NUP155: variants seen among roughly 807,000 people sequenced by gnomAD.
NUP155 encodes the protein nuclear pore complex protein Nup155.
Under a neutral mutation model 180.4 loss-of-function variants are expected in NUP155, and 71 were observed. The observed-to-expected ratio is 0.39, with a 90% confidence interval of 0.33 to 0.48. The LOEUF is 0.48. Ranked by LOEUF, NUP155 falls within the 20% of genes least tolerant of loss-of-function variation. The pLI, the probability that NUP155 is intolerant of heterozygous loss-of-function variation, is 0.91. For synonymous variants in NUP155, 582 were observed against 559.5 expected (o/e 1.04, Z -0.57); for missense variants, 1,553 against 1,648.9 (o/e 0.94, Z 1.01).
chr5:37,324,091 G>C lies in NUP155; in HGVS notation c.2108C>G (p.Pro703Arg). ...REITAIESSV[P>R]CQLLESVLQE... Reference sequence around the variant, plus strand: ...TAGCACTGACTCTAGCAGTTGGCAGGGAACACTACTTTCAATCTGTAAAAA... The same window carrying C: ...TAGCACTGACTCTAGCAGTTGGCAGCGAACACTACTTTCAATCTGTAAAAA... Residue 703 changes from proline to arginine, a missense_variant, in exon 20 of 35, where the codon CCC becomes CGC. Coordinates refer to ENST00000231498, the MANE Select transcript of NUP155 (RefSeq NM_153485.3). 11 of 1,612,024 alleles carry C rather than the reference G, an allele frequency of 6.8e-6. No homozygotes were observed. Among genetic ancestry groups the C allele is most frequent in the Non-Finnish European group, 9.3e-6 (11 of 1,178,324 alleles).
At chr5:37,332,577 T>C (rs1745050768) in intron 13 of NUP155, among the ~76,000 whole-genome samples, 2 of 152,218 alleles carry the variant, frequency 1.3e-5, no homozygotes, top group African/African-American at 2.4e-5. Context: ...AAAACCTCAA[T>C]TGTTTTTGCA....
chr5:37,314,110 A>G (rs1581148072), intron 22 of NUP155, 88 bp downstream of exon 22: 2 of 928,966 alleles, frequency 2.2e-6, no homozygotes, highest in African/African-American at 1.7e-5. Flanking sequence ...ATGCTTCCCA[A>G]AATAATCCCC....
chr5:37,357,277 G>A (rs1746888256), intron 4 of NUP155, among the ~76,000 whole-genome samples: 1 of 150,512 alleles, frequency 6.6e-6, no homozygotes, highest in Non-Finnish European at 1.5e-5. Context: ...CAAAACTGTA[G>A]TCCCAGCTAC....
chr5:37,295,273 T>C (rs1487988184), intron 32 of NUP155, among the ~76,000 whole-genome samples: 4 of 152,158 alleles, frequency 2.6e-5, no homozygotes, highest in African/African-American at 9.7e-5. Context: ...GGTCTCCAGC[T>C]CCTAACCGCG....
chr5:37,329,123 A>T, intron 16 of NUP155, 67 bp downstream of exon 16: 1 of 1,143,504 alleles, frequency 8.7e-7, no homozygotes, highest in Non-Finnish European at 1.3e-6. Flanking sequence ...TTATTGATAA[A>T]AATTGCTATA....
At chr5:37,307,893 G>C (rs1743259172) in intron 24 of NUP155, among the ~76,000 whole-genome samples, 1 of 146,532 alleles carries the variant, frequency 6.8e-6, no homozygotes, top group Admixed American at 6.9e-5. Context: ...TTGCACTCCA[G>C]CCTGGGTGAC....
At chr5:37,362,757 T>G (rs1268371713) in intron 3 of NUP155, among the ~76,000 whole-genome samples, 1 of 152,190 alleles carries the variant, frequency 6.6e-6, no homozygotes, top group Non-Finnish European at 1.5e-5. Flanking sequence ...TCAGGGTACA[T>G]GAAAAATAAT....
chr5:37,366,952 T>C (rs1747627211), intron 1 of NUP155, among the ~76,000 whole-genome samples: 1 of 151,698 alleles, frequency 6.6e-6, no homozygotes, highest in Admixed American at 6.6e-5. Context: ...GCCCGGCCGG[T>C]CTCAATCTCT....
intron 12 of NUP155, among the ~76,000 whole-genome samples, chr5:37,334,798 C>T (rs748550035): frequency 1.3e-5 from 2 of 152,116 alleles, no homozygotes; most frequent in Non-Finnish European, 2.9e-5. Flanking sequence ...TTCTCTTAAC[C>T]AAGTAACTAC....
chr5:37,323,594 T>A (rs1744388356), intron 20 of NUP155, among the ~76,000 whole-genome samples: 1 of 149,422 alleles, frequency 6.7e-6, no homozygotes, highest in Non-Finnish European at 1.5e-5. Context: ...TCTATAAATA[T>A]TCCATTTATA....
intron 32 of NUP155, among the ~76,000 whole-genome samples, chr5:37,295,848 C>T (rs1209480908): frequency 4.0e-5 from 6 of 150,964 alleles, no homozygotes; most frequent in East Asian, 3.9e-4. Flanking sequence ...CCCCTCCGCC[C>T]GGCAGCCACC....
chr5:37,354,464 T>TC (rs1359805061), intron 4 of NUP155, among the ~76,000 whole-genome samples: 1 of 142,122 alleles, frequency 7.0e-6, no homozygotes, highest in Non-Finnish European at 1.5e-5. Flanking sequence ...CTTCTTTTTT[T>TC]TTTTTTTTTT....
intron 32 of NUP155, among the ~76,000 whole-genome samples, chr5:37,296,718 G>C (rs529078557): frequency 7.5e-6 from 1 of 132,496 alleles, no homozygotes; most frequent in South Asian, 2.1e-4. Flanking sequence ...TAAATAAATA[G>C]GTTTCCTCAC....
rs1742120861 is a variant in NUP155 at position 37,288,771 on chromosome 5, A to ATGGGGGGTGG, written c.*3128_*3129insCCACCCCCCA. ...TTAAAAAAAAAAAAAAAAAAAAAGT[A>ATGGGGGGTGG]GGGGGGGTGGGGCTAGGCGCAGTGG... On this transcript the variant is annotated 3_prime_UTR_variant, in exon 35 of 35. Transcript: ENST00000231498. 1 of 57,650 alleles carries ATGGGGGGTGG rather than the reference A, an allele frequency of 1.7e-5. No individual in the cohort carries two copies. Among genetic ancestry groups the ATGGGGGGTGG allele is most frequent in the African/African-American group, 5.6e-5 (1 of 17,780 alleles). 3.6% of individuals were successfully genotyped at this position (57,650 alleles called of 1,614,324 possible). A position where few individuals can be genotyped will look rare whatever the true frequency, so the allele number is the denominator to read the frequency against.
chr5:37,324,439 A>C (rs979315909), intron 19 of NUP155, among the ~76,000 whole-genome samples: 1 of 152,172 alleles, frequency 6.6e-6, no homozygotes, highest in African/African-American at 2.4e-5. Context: ...CCCACCTCTG[A>C]GGTAACTACT....
intron 9 of NUP155, among the ~76,000 whole-genome samples, chr5:37,343,950 CCTCAATGAAG>C (rs1447194669): frequency 6.6e-6 from 1 of 152,008 alleles, no homozygotes; most frequent in African/African-American, 2.4e-5. Flanking sequence ...GTTAAAATCA[CCTCAATGAAG>C]CTTTCAACAG....
rs937549193 is a variant in NUP155, at chr5:37,300,643, T to C, written c.3561+794A>G. Among the ~76,000 whole-genome samples the C allele has an allele frequency of 3.3e-5, 5 of 151,874 alleles. No homozygotes were observed. The East Asian group carries it at 9.6e-4, about 29-fold the overall frequency. On this transcript the variant is annotated intron_variant, in intron 30 of 34. Transcript: ENST00000231498. ...GCAAGAAGCGAGGCCATAAATAAGA[T>C]GGTTTTGGTTTTTTAGTTTTTTTTT...
chr5:37,294,538 C>T (rs1742416466), intron 32 of NUP155, 73 bp from the exon 33 acceptor site: 2 of 1,424,542 alleles, frequency 1.4e-6, no homozygotes, highest in South Asian at 2.3e-5. Flanking sequence ...TTATTCATAA[C>T]TGAATAGTTT....
At chr5:37,362,099 T>C (rs757496648) in intron 3 of NUP155, among the ~76,000 whole-genome samples, 1 of 152,156 alleles carries the variant, frequency 6.6e-6, no homozygotes, top group Non-Finnish European at 1.5e-5. Context: ...TCACAGGCTA[T>C]GGTATTCTGT....
Sources: allele counts gnomAD v4.1 joint callset (sites outside exome capture counted in the v4.1 genomes callset), GRCh38; gene constraint gnomAD v4.1.1; transcripts MANE v1.5; gene names NCBI Gene and HGNC (gene_info 2026-07-23, HGNC 2026-07-21).